DST: variants seen among roughly 807,000 people sequenced by gnomAD.
The protein encoded by DST is dystonin.
Under a neutral mutation model 875.2 loss-of-function variants are expected in DST, and 253 were observed. That is an observed-to-expected ratio of 0.29 (90% CI 0.26 to 0.32). DST has a LOEUF of 0.32. Among genes scored for constraint, DST ranks in the 10% least tolerant of loss-of-function variants. The pLI is 1.00. For synonymous variants in DST, 3,124 were observed against 3,197.1 expected, an observed-to-expected ratio of 0.98 and a Z score of 0.77; for missense variants, 8,287 against 9,111.6, an observed-to-expected ratio of 0.91 and a Z score of 3.68.
At chr6:56,786,137 T>C (rs1478789892) in intron 4 of DST, among the ~76,000 whole-genome samples, 1 of 152,170 alleles carries the variant, frequency 6.6e-6, no homozygotes. Context: ...TGTGCATATA[T>C]GAGTGTGTGT....
Position 56,463,512 on chromosome 6 carries a change from A to C in DST, c.22959+53T>G, listed in dbSNP as rs756226426. 7.3e-5 allele frequency: 106 copies of C among 1,458,224 alleles called. 2 individuals carry two copies. The South Asian group carries it at 1.2e-3, about 17-fold the overall frequency. The allele number at this position is 1,458,224 out of a possible 1,614,324, so 90.3% of individuals were successfully genotyped here. On this transcript the variant is annotated intron_variant, in intron 101 of 103. Coordinates refer to ENST00000680361, the MANE Select transcript of DST (RefSeq NM_001374736.1). ...CCCTAAATAGAACATTCAAAAGTCT[A>C]CTTGGGACATTGATTGCAAAGGTGG...
chr6:56,498,451 G>A (rs1056301220), intron 80 of DST, among the ~76,000 whole-genome samples: 6 of 152,086 alleles, frequency 3.9e-5, no homozygotes, highest in Non-Finnish European at 7.4e-5. Flanking sequence ...CTTCCTGGAT[G>A]TACCTTTACT....
At chr6:56,854,612 G>A (rs551111523) in intron 3 of DST, among the ~76,000 whole-genome samples, 4 of 152,254 alleles carry the variant, frequency 2.6e-5, no homozygotes, top group East Asian at 1.9e-4. Context: ...TGTAAGTAGC[G>A]ATTATCTTTG....
rs1331659299 is a variant in DST, at chr6:56,604,497, T to A, written c.10131A>T (p.Ser3377=). The A allele has an allele frequency of 6.2e-7, 1 of 1,612,602 alleles. No individual in the cohort carries two copies. The highest frequency in any genetic ancestry group is 2.2e-5 in the East Asian group (1 of 44,838). Residue 3377 remains serine, a synonymous_variant, in exon 40 of 104, where the codon TCA becomes TCT. Transcript: ENST00000680361. ...TTAAAATTTTAGTGTCTGCACAGGC[T>A]GAAGGTTCTTCAACCTCTTGAGGGT... is the stretch of plus-strand genomic sequence containing the variant. The part of the protein sequence containing the change: ...HMNPQEVEEP[S]ACADTKILIQ...
At chr6:56,824,820 G>A (rs1389565071) in intron 4 of DST, among the ~76,000 whole-genome samples, 6 of 151,852 alleles carry the variant, frequency 4.0e-5, no homozygotes, top group Admixed American at 1.3e-4. Flanking sequence ...CAGCCGCCCC[G>A]TCTGAGAAGT....
rs2098655293 is a variant in DST at position 56,618,700 on chromosome 6, G to C, written c.4930-4216C>G. 1.9e-6 allele frequency: 3 copies of C among 1,613,870 alleles called. No individual in the cohort carries two copies. Among genetic ancestry groups the C allele is most frequent in the Non-Finnish European group, 2.5e-6 (3 of 1,179,952 alleles). On this transcript the variant is annotated intron_variant, in intron 36 of 103. Coordinates refer to ENST00000680361, the MANE Select transcript of DST (RefSeq NM_001374736.1). ...AGTTTTCTTGTTGAAGAGACACAAA[G>C]TCAAGCCTAATGCCTGAAATATCAT...
In DST at chr6:56,529,521, T is replaced by G. The variant is rs758568001; in HGVS notation, c.17522A>C (p.His5841Pro). 1.9e-6 allele frequency: 3 copies of G among 1,612,972 alleles called. No homozygotes were observed. The Admixed American group carries it at 5.0e-5, about 27-fold the overall frequency. Reference protein sequence around the residue: ...VELMNWLNEVHDKLSKLSVQD... With the variant: ...VELMNWLNEVPDKLSKLSVQD... The stretch of plus-strand genomic sequence containing the variant: ...GACTGAGAGCTTGCTCAGTTTGTCA[T>G]GCACTTCATTCAGCCAGTTCATCAG... The change falls in exon 66 of 104, where the codon CAT (histidine) becomes CCT (proline). Residue 5841 changes from histidine (H) to proline (P), a missense_variant. This residue lies in a region of DST where 777 missense variants were observed against 764.8 expected (regional missense o/e 1.02). Coordinates refer to ENST00000680361, the MANE Select transcript of DST (RefSeq NM_001374736.1).
chr6:56,538,387 A>T (rs960226810), intron 61 of DST, among the ~76,000 whole-genome samples: 1 of 83,762 alleles, frequency 1.2e-5, no homozygotes, highest in Non-Finnish European at 2.9e-5. Flanking sequence ...AAGGTAAAAC[A>T]TAGTTTGAGA....
chr6:56,511,682 T>C (rs1028732144), intron 72 of DST, among the ~76,000 whole-genome samples: 1 of 151,916 alleles, frequency 6.6e-6, no homozygotes, highest in African/African-American at 2.4e-5. Flanking sequence ...ATACCAAGAG[T>C]AGCACATTTT....
At chr6:56,518,451 T>C (rs988572468) in intron 69 of DST, among the ~76,000 whole-genome samples, 7 of 145,374 alleles carry the variant, frequency 4.8e-5, no homozygotes, top group African/African-American at 1.8e-4. Flanking sequence ...AGTATGAACA[T>C]TTCCCATGTC....
chr6:56,579,209 T>C (rs1180428966), intron 49 of DST, among the ~76,000 whole-genome samples: 1 of 152,148 alleles, frequency 6.6e-6, no homozygotes, highest in East Asian at 1.9e-4. Flanking sequence ...TGGTTCCTGA[T>C]CATACAACCC....
At chr6:56,774,705 A>G (rs2099674503) in intron 4 of DST, among the ~76,000 whole-genome samples, 1 of 152,168 alleles carries the variant, frequency 6.6e-6, no homozygotes. Flanking sequence ...CAAAGAAGAA[A>G]TACAAGGCCG....
At chr6:56,750,308 T>C (rs934220311) in intron 4 of DST, among the ~76,000 whole-genome samples, 6 of 152,018 alleles carry the variant, frequency 3.9e-5, no homozygotes, top group African/African-American at 1.4e-4. Flanking sequence ...ACCTCAACTT[T>C]CTGTATCGTT....
rs1358425791 is a variant in DST, at chr6:56,634,840, A to G, written c.3300T>C (p.Ser1100=). 1 of 1,613,972 alleles carries G rather than the reference A, an allele frequency of 6.2e-7. No individual in the cohort carries two copies. The highest frequency in any genetic ancestry group is 8.5e-7 in the Non-Finnish European group (1 of 1,180,010). The change falls in exon 25 of 104, where the codon TCT becomes TCC. Residue 1100 remains serine (S), a synonymous_variant. Transcript: ENST00000680361. ...PRNSDCPLKT[S]IPIKAICDYR... Reference sequence around the variant, plus strand: ...AGTCACAGATAGCTTTGATCGGAATAGAAGTTTTGAGTGGACAGTCAGAAT... The same window carrying G: ...AGTCACAGATAGCTTTGATCGGAATGGAAGTTTTGAGTGGACAGTCAGAAT...
Position 56,873,228 on chromosome 6 carries a change from C to T in DST, c.418-21624G>A, listed in dbSNP as rs143033927. Among the ~76,000 whole-genome samples the T allele has an allele frequency of 2.7e-3, 415 of 152,288 alleles. 3 individuals carry two copies. The highest frequency in any genetic ancestry group is 4.6e-3 in the Non-Finnish European group (310 of 68,036). On this transcript the variant is annotated intron_variant, in intron 3 of 103. Coordinates refer to ENST00000680361, the MANE Select transcript of DST (RefSeq NM_001374736.1). Reference sequence around the variant, plus strand: ...GCTCTTGAGTTGTTTGAGTTCCTCACATAATCTGGTTATTAATCACTTGTC... The same window carrying T: ...GCTCTTGAGTTGTTTGAGTTCCTCATATAATCTGGTTATTAATCACTTGTC...
At chr6:56,912,644 C>T (rs999760939) in intron 2 of DST, among the ~76,000 whole-genome samples, 2 of 152,196 alleles carry the variant, frequency 1.3e-5, no homozygotes, top group African/African-American at 2.4e-5. Context: ...GCTCATGTCA[C>T]GCATAGATCA....
intron 4 of DST, among the ~76,000 whole-genome samples, chr6:56,837,182 T>C (rs569677662): frequency 6.6e-6 from 1 of 152,314 alleles, no homozygotes; most frequent in East Asian, 1.9e-4. Context: ...TTTCGTTCCA[T>C]TTAACTACCA....
intron 4 of DST, among the ~76,000 whole-genome samples, chr6:56,750,614 G>A (rs540468065): frequency 5.8e-4 from 89 of 152,240 alleles, no homozygotes; most frequent in African/African-American, 2.1e-3. Context: ...CAAAAGAAAA[G>A]AAGAGGAAAT....
Position 56,578,843 on chromosome 6 carries a change from G to A in DST, c.12998C>T (p.Pro4333Leu). ...VLLDARGSLL[P>L]AKNDIQKTLD... Reference sequence around the variant, plus strand: ...TGTTTTCTGGATATCATTCTTGGCTGGAAGTAAAGATCCCCTGGCATCTAA... The same window carrying A: ...TGTTTTCTGGATATCATTCTTGGCTAGAAGTAAAGATCCCCTGGCATCTAA... The change falls in exon 50 of 104, where the codon CCA (proline) becomes CTA (leucine). Residue 4333 changes from proline to leucine, a missense_variant. Physicochemically the swap from Pro to Leu is moderately conservative, Grantham distance 98 (BLOSUM62 -3). Transcript: ENST00000680361. 6.2e-7 allele frequency: 1 copy of A among 1,611,758 alleles called. No individual in the cohort carries two copies. The highest frequency in any genetic ancestry group is 8.5e-7 in the Non-Finnish European group (1 of 1,178,990).
Sources: gnomAD v4.1 joint callset for allele counts (sites outside exome capture counted in the v4.1 genomes callset) on GRCh38, gnomAD v4.1.1 for gene constraint, gnomAD v4.1.1 regional missense constraint, MANE v1.5 for transcripts, NCBI Gene and HGNC (gene_info 2026-07-23, HGNC 2026-07-21) for gene names.